The following KCNB2 variants were observed in gnomAD, a reference collection of about 807,000 sequenced individuals.
The protein encoded by KCNB2 is delayed rectifier potassium channel protein.
KCNB2 carries 15 observed loss-of-function variants against 61.5 expected under a neutral mutation model. The observed-to-expected ratio is 0.24, with a 90% CI of 0.16 to 0.38. KCNB2 has a LOEUF of 0.38. KCNB2 is among the 10% of genes least tolerant of loss of function. The pLI is 1.00. For synonymous variants in KCNB2, 457 were observed against 446.0 expected, an observed-to-expected ratio of 1.02 and a Z score of -0.31; for missense variants, 828 against 1,125.2, an observed-to-expected ratio of 0.74 and a Z score of 3.78.
At chr8:72,701,801 C>G (rs539327702) in intron 2 of KCNB2, among the ~76,000 whole-genome samples, 2 of 151,946 alleles carry the variant, frequency 1.3e-5, no homozygotes, top group African/African-American at 4.8e-5. Flanking sequence ...ATGCAACACA[C>G]ATAAAAGGAA....
chr8:72,924,202 C>G (rs775335566), intron 2 of KCNB2, among the ~76,000 whole-genome samples: 1 of 152,142 alleles, frequency 6.6e-6, no homozygotes, highest in Non-Finnish European at 1.5e-5. Flanking sequence ...TTAGAGACCA[C>G]GTCAGCATCA....
intron 2 of KCNB2, among the ~76,000 whole-genome samples, chr8:72,654,619 T>A (rs1034287749): frequency 6.6e-6 from 1 of 152,146 alleles, no homozygotes; most frequent in South Asian, 2.1e-4. Flanking sequence ...TCTTAAAAAA[T>A]TTAGATTCTT....
intron 2 of KCNB2, among the ~76,000 whole-genome samples, chr8:72,614,380 A>T (rs1165403369): frequency 6.6e-6 from 1 of 152,116 alleles, no homozygotes; most frequent in Non-Finnish European, 1.5e-5. Context: ...ATCAGAGAGG[A>T]CTTGGGTTCA....
intron 1 of KCNB2, among the ~76,000 whole-genome samples, chr8:72,548,569 C>T (rs1806297051): frequency 6.6e-6 from 1 of 152,124 alleles, no homozygotes; most frequent in African/African-American, 2.4e-5. Context: ...GGAAGTATAC[C>T]CTTCCTGGAA....
At chr8:72,867,870 C>T (rs1420378943) in intron 2 of KCNB2, among the ~76,000 whole-genome samples, 1 of 152,106 alleles carries the variant, frequency 6.6e-6, no homozygotes, top group South Asian at 2.1e-4. Context: ...AATGGCCACT[C>T]GCTGTAGATA....
intron 2 of KCNB2, among the ~76,000 whole-genome samples, chr8:72,684,911 G>A (rs978378676): frequency 1.3e-5 from 2 of 152,134 alleles, no homozygotes; most frequent in Non-Finnish European, 2.9e-5. Flanking sequence ...TCAGCCCTGT[G>A]AACAAATATA....
chr8:72,624,922 T>C (rs1805766127), intron 2 of KCNB2, among the ~76,000 whole-genome samples: 1 of 152,198 alleles, frequency 6.6e-6, no homozygotes, highest in Non-Finnish European at 1.5e-5. Flanking sequence ...GAGGGTGGCC[T>C]CTTAGAGCTG....
At position 72,564,630 on chromosome 8, in the gene KCNB2, T is replaced by C. The variant is rs997172578; in HGVS notation, c.-93-3012T>C. On this transcript the variant is annotated intron_variant, in intron 1 of 2. Transcript: ENST00000523207. ...CCTCATCCTGATAGTGTTGCTCAAT[T>C]TTTAACATATATATATAGTTCATCA... Among the ~76,000 whole-genome samples the C allele has an allele frequency of 2.0e-5, 3 of 152,164 alleles. No homozygotes were observed. The East Asian group carries it at 5.8e-4, about 29-fold the overall frequency.
At chr8:72,932,497 G>A (rs1585984957) in intron 2 of KCNB2, among the ~76,000 whole-genome samples, 1 of 152,012 alleles carries the variant, frequency 6.6e-6, no homozygotes, top group African/African-American at 2.4e-5. Context: ...GTGAAGACCT[G>A]GGGAGTTTCC....
intron 2 of KCNB2, among the ~76,000 whole-genome samples, chr8:72,603,582 A>G (rs1805396482): frequency 6.6e-6 from 1 of 152,196 alleles, no homozygotes; most frequent in Admixed American, 6.5e-5. Context: ...TCAGCGATGC[A>G]GAGCAGAGTG....
At position 72,743,089 on chromosome 8, in the gene KCNB2, G is replaced by A. The variant is rs533615018; in HGVS notation, c.579+174776G>A. ...AGTCTACATCCATAAATAAAAGAAA[G>A]AGGACATGGGCTCCAGGTGAAACCA... On this transcript the variant is annotated intron_variant, in intron 2 of 2. Coordinates refer to ENST00000523207, the MANE Select transcript of KCNB2 (RefSeq NM_004770.3). 2.0e-5 allele frequency among the ~76,000 whole-genome samples: 3 copies of A among 152,252 alleles called. No individual in the cohort carries two copies. The South Asian group carries it at 6.2e-4, about 32-fold the overall frequency.
chr8:72,667,218 A>G (rs1222611272), intron 2 of KCNB2, among the ~76,000 whole-genome samples: 1 of 152,180 alleles, frequency 6.6e-6, no homozygotes, highest in Non-Finnish European at 1.5e-5. Context: ...CCTGAAGCAT[A>G]ATAAGCTGCC....
intron 2 of KCNB2, among the ~76,000 whole-genome samples, chr8:72,687,755 T>C (rs1806874553): frequency 6.6e-6 from 1 of 152,194 alleles, no homozygotes; most frequent in African/African-American, 2.4e-5. Flanking sequence ...TAAAAGAGCC[T>C]TGGAAATGGA....
chr8:72,569,165 A>G lies in KCNB2; in HGVS notation c.579+852A>G, dbSNP rs546321458. ...CATATATTTAGTTCTGTATTGCAGT[A>G]TGAATGATAAGTAAAAATTCAAAAA... On this transcript the variant is annotated intron_variant, in intron 2 of 2. Coordinates refer to ENST00000523207, the MANE Select transcript of KCNB2 (RefSeq NM_004770.3). 2.4e-4 allele frequency among the ~76,000 whole-genome samples: 36 copies of G among 152,322 alleles called. No individual in the cohort carries two copies. The South Asian group carries it at 7.0e-3, about 30-fold the overall frequency.
intron 2 of KCNB2, among the ~76,000 whole-genome samples, chr8:72,588,405 C>T (rs1474108581): frequency 1.3e-5 from 2 of 151,828 alleles, no homozygotes; most frequent in South Asian, 2.1e-4. Flanking sequence ...TTAGTAGAGA[C>T]GGGGTTTTTC....
At chr8:72,735,835 T>G (rs370412111) in intron 2 of KCNB2, among the ~76,000 whole-genome samples, 1 of 152,140 alleles carries the variant, frequency 6.6e-6, no homozygotes, top group South Asian at 2.1e-4. Flanking sequence ...AGATTGCTGT[T>G]AATGGATGTT....
chr8:72,681,066 G>A (rs1294392238), intron 2 of KCNB2, among the ~76,000 whole-genome samples: 1 of 152,132 alleles, frequency 6.6e-6, no homozygotes, highest in Non-Finnish European at 1.5e-5. Context: ...ATGACAACTG[G>A]TTTTATATTA....
intron 2 of KCNB2, among the ~76,000 whole-genome samples, chr8:72,638,032 A>C (rs1805993522): frequency 6.6e-6 from 1 of 152,156 alleles, no homozygotes; most frequent in Admixed American, 6.6e-5. Context: ...AAAATGGGAT[A>C]ATAATAATGC....
At position 72,671,015 on chromosome 8, in the gene KCNB2, A is replaced by G. The variant is rs536503745; in HGVS notation, c.579+102702A>G. 3.9e-5 allele frequency among the ~76,000 whole-genome samples: 6 copies of G among 152,258 alleles called. No homozygotes were observed. The South Asian group carries it at 1.2e-3, about 32-fold the overall frequency. On this transcript the variant is annotated intron_variant, in intron 2 of 2. Transcript: ENST00000523207. ...CCATAGTGCTCATATTCTGCCTTCTATTATTTTGTACCTACATAATAAAGT... is the reference window on the plus strand; with the variant it reads ...CCATAGTGCTCATATTCTGCCTTCTGTTATTTTGTACCTACATAATAAAGT...
Sources: allele counts gnomAD v4.1 joint callset (sites outside exome capture counted in the v4.1 genomes callset), GRCh38; gene constraint gnomAD v4.1.1; transcripts MANE v1.5; gene names NCBI Gene and HGNC (gene_info 2026-07-23, HGNC 2026-07-21).